BACH2: variants seen among roughly 807,000 people sequenced by gnomAD.
BACH2 encodes transcription regulator protein BACH2.
In BACH2, 5 loss-of-function variants were observed where a neutral mutation model predicts 61.8. The observed-to-expected ratio is 0.08, with a 90% CI of 0.04 to 0.17. The LOEUF is 0.17. Ranked by LOEUF, BACH2 falls within the 10% of genes least tolerant of loss-of-function variation. The pLI is 1.00. For synonymous variants in BACH2, 446 were observed against 440.1 expected, an observed-to-expected ratio of 1.01 and a Z score of -0.17; for missense variants, 824 against 1,091.1, an observed-to-expected ratio of 0.76 and a Z score of 3.45.
chr6:90,255,185 A>G (rs1770937858), intron 2 of BACH2, among the ~76,000 whole-genome samples: 1 of 152,216 alleles, frequency 6.6e-6, no homozygotes, highest in South Asian at 2.1e-4. Context: ...TTTAATTTTT[A>G]CATTCCTCAT....
intron 5 of BACH2, among the ~76,000 whole-genome samples, chr6:90,011,930 A>ATGTGTGTG (rs1554227943): frequency 1.2e-4 from 12 of 98,676 alleles, no homozygotes; most frequent in Admixed American, 3.3e-4. Context: ...AAAAAAAAAA[A>ATGTGTGTG]TATGTGTGTG....
At chr6:90,041,332 A>C (rs1779523235) in intron 5 of BACH2, among the ~76,000 whole-genome samples, 1 of 151,468 alleles carries the variant, frequency 6.6e-6, no homozygotes, top group Non-Finnish European at 1.5e-5. Flanking sequence ...TTAAGGAGGT[A>C]TCCATCACTT....
intron 6 of BACH2, among the ~76,000 whole-genome samples, chr6:89,996,306 C>T (rs1468177672): frequency 6.6e-6 from 1 of 152,230 alleles, no homozygotes. Flanking sequence ...CAGGCTGTGT[C>T]TCCTGACTGT....
chr6:90,025,802 G>C (rs1778604234), intron 5 of BACH2, among the ~76,000 whole-genome samples: 1 of 152,198 alleles, frequency 6.6e-6, no homozygotes, highest in Admixed American at 6.5e-5. Context: ...ATTTGACTCA[G>C]AGCAATCTTC....
chr6:90,268,124 T>C (rs1198768132), intron 2 of BACH2, among the ~76,000 whole-genome samples: 1 of 151,444 alleles, frequency 6.6e-6, no homozygotes, highest in Non-Finnish European at 1.5e-5. Context: ...TTCTCATGCC[T>C]CAGCCTCCTG....
chr6:90,243,173 C>G (rs942280316), intron 3 of BACH2, among the ~76,000 whole-genome samples: 3 of 150,578 alleles, frequency 2.0e-5, no homozygotes, highest in African/African-American at 7.3e-5. Context: ...GGATTACAGG[C>G]GTGAGCCAAT....
At chr6:90,225,694 G>T (rs1408396971) in intron 3 of BACH2, among the ~76,000 whole-genome samples, 1 of 152,146 alleles carries the variant, frequency 6.6e-6, no homozygotes, top group Admixed American at 6.6e-5. Context: ...GTTGATAGGT[G>T]CAGCAAACCA....
intron 8 of BACH2, among the ~76,000 whole-genome samples, chr6:89,935,425 A>G (rs1772961370): frequency 6.6e-6 from 1 of 152,206 alleles, no homozygotes. Context: ...GGACCCCTCC[A>G]GGCCTACTCA....
chr6:90,292,658 T>C (rs1031485043), intron 1 of BACH2, among the ~76,000 whole-genome samples: 5 of 152,216 alleles, frequency 3.3e-5, no homozygotes, highest in African/African-American at 9.7e-5. Flanking sequence ...GGGTGCATAC[T>C]CACAAATCAT....
intron 5 of BACH2, among the ~76,000 whole-genome samples, chr6:90,014,466 ATATTTTTTTTTTTTTT>A (rs1439999349): frequency 1.8e-3 from 90 of 50,914 alleles, no homozygotes; most frequent in Non-Finnish European, 2.7e-3. Context: ...ATATATATAT[ATATTTTTTTTTTTTTT>A]TTTTTTTTTT....
At chr6:90,157,756 G>C (rs1300311487) in intron 4 of BACH2, among the ~76,000 whole-genome samples, 1 of 152,128 alleles carries the variant, frequency 6.6e-6, no homozygotes, top group Non-Finnish European at 1.5e-5. Flanking sequence ...GCACCAGCTA[G>C]AAAGGGGCTA....
intron 8 of BACH2, among the ~76,000 whole-genome samples, chr6:89,933,190 G>A (rs1449548214): frequency 6.6e-6 from 1 of 152,040 alleles, no homozygotes; most frequent in Non-Finnish European, 1.5e-5. Flanking sequence ...CCATGTTTTG[G>A]TTTCCTGGAA....
Position 90,003,220 on chromosome 6 carries a change from T to C in BACH2, c.243+5382A>G, listed in dbSNP as rs144705980. ...TGCACAGTCTGGACCATCACCTCTC[T>C]GACTCACCTCTCCCCACCCTGCCTT... is the stretch of plus-strand genomic sequence containing the variant. On this transcript the variant is annotated intron_variant, in intron 6 of 8. Coordinates refer to ENST00000257749, the MANE Select transcript of BACH2 (RefSeq NM_021813.4). Among the ~76,000 whole-genome samples the C allele has an allele frequency of 4.0e-3, 614 of 152,298 alleles. 9 individuals are homozygous for C. The highest frequency in any genetic ancestry group is 0.014 in the African/African-American group (584 of 41,560).
At chr6:90,236,398 G>C (rs1770261841) in intron 3 of BACH2, among the ~76,000 whole-genome samples, 1 of 152,202 alleles carries the variant, frequency 6.6e-6, no homozygotes, top group South Asian at 2.1e-4. Context: ...CACACAATTA[G>C]CACAAAGCAC....
chr6:90,076,423 T>C (rs1321954732), intron 5 of BACH2, among the ~76,000 whole-genome samples: 1 of 152,238 alleles, frequency 6.6e-6, no homozygotes, highest in East Asian at 1.9e-4. Context: ...TTATGGTCCA[T>C]GGTAACCCAT....
chr6:90,222,159 A>C (rs918593537), intron 3 of BACH2, among the ~76,000 whole-genome samples: 1 of 152,174 alleles, frequency 6.6e-6, no homozygotes, highest in Non-Finnish European at 1.5e-5. Flanking sequence ...GGCACATCTC[A>C]ATTTGGACAA....
At chr6:89,955,922 T>C (rs1774402884) in intron 6 of BACH2, among the ~76,000 whole-genome samples, 1 of 152,136 alleles carries the variant, frequency 6.6e-6, no homozygotes. Flanking sequence ...TAACAACTCA[T>C]AAAATGGTAT....
intron 4 of BACH2, among the ~76,000 whole-genome samples, chr6:90,179,516 T>C (rs1164957866): frequency 6.6e-6 from 1 of 152,168 alleles, no homozygotes; most frequent in African/African-American, 2.4e-5. Context: ...AAAGAAAGAC[T>C]GTATGGAGCT....
chr6:90,010,278 A>G (rs1038115288), intron 5 of BACH2, among the ~76,000 whole-genome samples: 6 of 152,212 alleles, frequency 3.9e-5, no homozygotes, highest in Non-Finnish European at 7.4e-5. Context: ...CCCCACCGCT[A>G]CAACGACTGA....
Sources: gnomAD v4.1 joint callset for allele counts (sites outside exome capture counted in the v4.1 genomes callset) on GRCh38, gnomAD v4.1.1 for gene constraint, MANE v1.5 for transcripts, NCBI Gene and HGNC (gene_info 2026-07-23, HGNC 2026-07-21) for gene names.